ATP6V0A1: variants seen among roughly 807,000 people sequenced by gnomAD.
The protein encoded by ATP6V0A1 is V-type proton ATPase 116 kDa subunit a 1.
In ATP6V0A1, 43 loss-of-function variants were observed where a neutral mutation model predicts 105.4. That is an observed-to-expected ratio of 0.41 (90% CI 0.32 to 0.53). ATP6V0A1 has a LOEUF of 0.53. Among genes scored for constraint, ATP6V0A1 ranks in the 20% least tolerant of loss-of-function variants. The pLI, the probability that ATP6V0A1 is intolerant of heterozygous loss-of-function variation, is 0.30. For synonymous variants in ATP6V0A1, 362 were observed against 372.8 expected, an observed-to-expected ratio of 0.97 and a Z score of 0.33; for missense variants, 676 against 1,051.1, an observed-to-expected ratio of 0.64 and a Z score of 4.93.
At chr17:42,501,747 C>G (rs1338040715) in intron 17 of ATP6V0A1, among the ~76,000 whole-genome samples, 2 of 151,394 alleles carry the variant, frequency 1.3e-5, no homozygotes, top group Non-Finnish European at 2.9e-5. Context: ...CATTTGTGGC[C>G]GGGCGCAGTG....
intron 19 of ATP6V0A1, among the ~76,000 whole-genome samples, chr17:42,512,301 G>A (rs989803169): frequency 2.0e-5 from 3 of 152,180 alleles, no homozygotes; most frequent in Admixed American, 6.5e-5. Flanking sequence ...CAGTTTATTC[G>A]GTGGGAGAAA....
chr17:42,482,995 T>C lies in ATP6V0A1; in HGVS notation c.717-43T>C, dbSNP rs770561379. 7 of 1,334,310 alleles carry C rather than the reference T, an allele frequency of 5.2e-6. No homozygotes were observed. In the South Asian group the frequency reaches 9.8e-5, roughly 19 times the overall value. 82.7% of individuals were successfully genotyped at this position (1,334,310 alleles called of 1,614,324 possible). Reference sequence around the variant, plus strand: ...ATTAGGATTACTTTCTGAGATTATTTAAATTAGATAAGTTAAGAAACTTCG... The same window carrying C: ...ATTAGGATTACTTTCTGAGATTATTCAAATTAGATAAGTTAAGAAACTTCG... On this transcript the variant is annotated intron_variant, in intron 8 of 21. Coordinates refer to ENST00000343619, the MANE Select transcript of ATP6V0A1 (RefSeq NM_001130021.3).
In ATP6V0A1 at chr17:42,476,192, A is replaced by G. The variant is rs549090173; in HGVS notation, c.424-1468A>G. ...GCCAGTGGTAACTAGTGTCTCCATG[A>G]TCTCATCTTAAACTTTTCCAATCTC... is the stretch of plus-strand genomic sequence containing the variant. On this transcript the variant is annotated intron_variant, in intron 5 of 21. Transcript: ENST00000343619. Among the ~76,000 whole-genome samples, 6 of 152,296 alleles carry G rather than the reference A, an allele frequency of 3.9e-5. No individual in the cohort carries two copies. The South Asian group carries it at 1.2e-3, about 32-fold the overall frequency.
chr17:42,472,507 G>T (rs1194108171), intron 5 of ATP6V0A1, among the ~76,000 whole-genome samples: 1 of 151,848 alleles, frequency 6.6e-6, no homozygotes, highest in Admixed American at 6.6e-5. Context: ...GGGGGATCAC[G>T]AGGTCAGGAG....
intron 17 of ATP6V0A1, among the ~76,000 whole-genome samples, chr17:42,504,764 A>C (rs2091909452): frequency 6.6e-6 from 1 of 152,234 alleles, no homozygotes; most frequent in South Asian, 2.1e-4. Flanking sequence ...CAATAGGTGC[A>C]CTTGGCTAGA....
chr17:42,508,713 C>T (rs572516854), intron 19 of ATP6V0A1, 124 bp downstream of exon 19: 9 of 1,345,466 alleles, frequency 6.7e-6, no homozygotes, highest in African/African-American at 4.3e-5. Context: ...CTCTGCATCT[C>T]ACTGGCCATT....
Position 42,514,475 on chromosome 17 carries a change from G to A in ATP6V0A1, c.2420+15G>A. On this transcript the variant is annotated intron_variant, in intron 21 of 21. Transcript: ENST00000343619. ...CGCTTACACTGGTGAGGGGCAGTGGGGCAGGGCGGGCATGGGGGTGGATGT... is the reference window on the plus strand; with the variant it reads ...CGCTTACACTGGTGAGGGGCAGTGGAGCAGGGCGGGCATGGGGGTGGATGT... 1.3e-6 allele frequency: 2 copies of A among 1,566,768 alleles called. No homozygotes were observed. The highest frequency in any genetic ancestry group is 2.3e-5 in the East Asian group (1 of 44,084).
At chr17:42,463,535 G>A (rs374630722) in intron 2 of ATP6V0A1, among the ~76,000 whole-genome samples, 4 of 152,324 alleles carry the variant, frequency 2.6e-5, no homozygotes, top group Admixed American at 2.6e-4. Flanking sequence ...CGAACGGTAA[G>A]TAGTTCATTG....
chr17:42,494,929 G>T, intron 12 of ATP6V0A1, 105 bp from the exon 13 acceptor site: 2 of 1,244,624 alleles, frequency 1.6e-6, no homozygotes, highest in African/African-American at 1.5e-5. Context: ...AATCAGGATG[G>T]GGTAAAGTAG....
At chr17:42,478,636 GC>G in intron 7 of ATP6V0A1, 47 bp downstream of exon 7, 1 of 1,496,586 alleles carries the variant, frequency 6.7e-7, no homozygotes, top group Non-Finnish European at 9.0e-7. Flanking sequence ...TGTAAAGGGA[GC>G]CCAGAGCAGT....
intron 10 of ATP6V0A1, among the ~76,000 whole-genome samples, chr17:42,487,826 T>C (rs886585214): frequency 2.0e-5 from 3 of 152,260 alleles, no homozygotes; most frequent in Admixed American, 1.3e-4. Flanking sequence ...TTATTTGTCT[T>C]TTAACTTGAC....
intron 4 of ATP6V0A1, among the ~76,000 whole-genome samples, chr17:42,469,323 CTTTTTTTT>C (rs58501978): frequency 2.6e-3 from 267 of 102,320 alleles, no homozygotes; most frequent in African/African-American, 9.3e-3. Context: ...AAAGGAAAGA[CTTTTTTTT>C]TTTTTTTTTT....
chr17:42,460,889 G>T lies in ATP6V0A1; in HGVS notation c.-6G>T, dbSNP rs759577257. ...GGTACTCACTAGACTGGTACCTTCT[G>T]CCACCATGGGGGAGCTTTTCCGGAG... On this transcript the variant is annotated 5_prime_UTR_variant, in exon 2 of 22. Coordinates refer to ENST00000343619, the MANE Select transcript of ATP6V0A1 (RefSeq NM_001130021.3). 1 of 1,610,568 alleles carries T rather than the reference G, an allele frequency of 6.2e-7. No homozygotes were observed. Among genetic ancestry groups the T allele is most frequent in the Non-Finnish European group, 8.5e-7 (1 of 1,176,798 alleles).
intron 17 of ATP6V0A1, 50 bp downstream of exon 17, chr17:42,501,354 G>T: frequency 7.6e-7 from 1 of 1,312,254 alleles, no homozygotes; most frequent in Non-Finnish European, 1.1e-6. Flanking sequence ...TTTTGTTCAA[G>T]ATCAAGGCAA....
At chr17:42,474,113 C>T (rs964934128) in intron 5 of ATP6V0A1, among the ~76,000 whole-genome samples, 21 of 151,950 alleles carry the variant, frequency 1.4e-4, no homozygotes, top group African/African-American at 5.1e-4. Context: ...AGCGATTCTC[C>T]TGCCTCAGCC....
chr17:42,478,549 G>A lies in ATP6V0A1; in HGVS notation c.593G>A (p.Arg198Gln). The change falls in exon 7 of 22, where the codon CGA (arginine) becomes CAA (glutamine). Residue 198 changes from arginine (R) to glutamine (Q), a missense_variant. Coordinates refer to ENST00000343619, the MANE Select transcript of ATP6V0A1 (RefSeq NM_001130021.3). Reference protein sequence around the residue: ...WRVCRGNVFLRQAEIENPLED... With the variant: ...WRVCRGNVFLQQAEIENPLED... ...GTATGCCGGGGAAATGTGTTCCTGCGACAGGCTGAAATCGAGAACCCCCTG... is the reference window on the plus strand; with the variant it reads ...GTATGCCGGGGAAATGTGTTCCTGCAACAGGCTGAAATCGAGAACCCCCTG... 2 of 1,605,642 alleles carry A rather than the reference G, an allele frequency of 1.2e-6. No homozygotes were observed. Among genetic ancestry groups the A allele is most frequent in the Non-Finnish European group, 1.7e-6 (2 of 1,174,946 alleles).
intron 9 of ATP6V0A1, among the ~76,000 whole-genome samples, chr17:42,485,557 T>C (rs762543896): frequency 1.4e-4 from 21 of 152,114 alleles, no homozygotes; most frequent in Non-Finnish European, 2.4e-4. Context: ...TGTTTTGTTT[T>C]GTTTTGTTTT....
chr17:42,503,741 T>C (rs2091851340), intron 17 of ATP6V0A1, among the ~76,000 whole-genome samples: 1 of 152,226 alleles, frequency 6.6e-6, no homozygotes, highest in Non-Finnish European at 1.5e-5. Context: ...ATTAAGTGTT[T>C]CTGATGATTT....
intron 10 of ATP6V0A1, among the ~76,000 whole-genome samples, chr17:42,489,914 A>G (rs1299059224): frequency 6.6e-6 from 1 of 152,206 alleles, no homozygotes; most frequent in African/African-American, 2.4e-5. Flanking sequence ...TAACCAGCAA[A>G]GATAGAAAAG....
Sources: gnomAD v4.1 joint callset for allele counts (sites outside exome capture counted in the v4.1 genomes callset) on GRCh38, gnomAD v4.1.1 for gene constraint, MANE v1.5 for transcripts, NCBI Gene and HGNC (gene_info 2026-07-23, HGNC 2026-07-21) for gene names.